The following PRKCE variants were observed in gnomAD, a reference collection of about 807,000 sequenced individuals.
The protein encoded by PRKCE is protein kinase C epsilon.
In PRKCE, 16 loss-of-function variants were observed where a neutral mutation model predicts 85.4. The ratio of observed to expected loss-of-function variants is 0.19; its 90% CI spans 0.13 to 0.28. The LOEUF (loss-of-function observed/expected upper bound fraction) is 0.28. Ranked by LOEUF, PRKCE falls within the 10% of genes least tolerant of loss-of-function variation. The pLI, the probability that PRKCE is intolerant of heterozygous loss-of-function variation, is 1.00. For missense variants in PRKCE, 573 were observed against 975.2 expected, an observed-to-expected ratio of 0.59 and a Z score of 5.49; for synonymous variants, 388 against 371.5, an observed-to-expected ratio of 1.04 and a Z score of -0.51.
At chr2:45,968,759 T>C (rs1265433737) in intron 2 of PRKCE, among the ~76,000 whole-genome samples, 1 of 152,138 alleles carries the variant, frequency 6.6e-6, no homozygotes, top group Non-Finnish European at 1.5e-5. Context: ...CAGCTTGCTT[T>C]TTGTGTGGGA....
intron 2 of PRKCE, among the ~76,000 whole-genome samples, chr2:45,873,807 G>A (rs1694273597): frequency 6.6e-6 from 1 of 152,202 alleles, no homozygotes; most frequent in Non-Finnish European, 1.5e-5. Context: ...CTTAAAGTGT[G>A]AGCCCAGCAG....
At chr2:45,960,249 A>G (rs1701284342) in intron 2 of PRKCE, among the ~76,000 whole-genome samples, 1 of 152,190 alleles carries the variant, frequency 6.6e-6, no homozygotes, top group Non-Finnish European at 1.5e-5. Context: ...CTTAATAACT[A>G]TGTACACCTA....
intron 11 of PRKCE, among the ~76,000 whole-genome samples, chr2:46,107,884 T>C (rs1049969519): frequency 6.6e-6 from 1 of 152,218 alleles, no homozygotes; most frequent in African/African-American, 2.4e-5. Context: ...ACAGATCTTT[T>C]GCCCATTTTT....
At chr2:45,827,164 T>C (rs576207499) in intron 1 of PRKCE, among the ~76,000 whole-genome samples, 1 of 152,330 alleles carries the variant, frequency 6.6e-6, no homozygotes, top group East Asian at 1.9e-4. Flanking sequence ...CTTCAACTAC[T>C]GGCAAAGACC....
intron 2 of PRKCE, among the ~76,000 whole-genome samples, chr2:45,878,928 A>T (rs1397623365): frequency 6.6e-6 from 1 of 152,200 alleles, no homozygotes; most frequent in Non-Finnish European, 1.5e-5. Flanking sequence ...TATTGTAGAC[A>T]TCTTTTTAAA....
In PRKCE at chr2:46,155,125, G is replaced by A. The variant is rs1677072590; in HGVS notation, c.1920+3896G>A. On this transcript the variant is annotated intron_variant, in intron 13 of 14. Coordinates refer to ENST00000306156, the MANE Select transcript of PRKCE (RefSeq NM_005400.3). This position sits in a 1 kb window ranked among gnomAD's most constrained non-coding sequence, Gnocchi z 4.7. ...GGCAGGGTAAACGGAGACCCCTCATGATCCCCCAGCAGCAACGAGGACTTC... is the reference window on the plus strand; with the variant it reads ...GGCAGGGTAAACGGAGACCCCTCATAATCCCCCAGCAGCAACGAGGACTTC... 6.6e-6 allele frequency among the ~76,000 whole-genome samples: 1 copy of A among 152,218 alleles called. No homozygotes were observed. The highest frequency in any genetic ancestry group is 1.5e-5 in the Non-Finnish European group (1 of 68,032).
rs1704986558 is a variant in PRKCE, at chr2:46,004,388, C to G, written c.967-154C>G. ...GAGGGATCGAACTTCATTTTGGCTA[C>G]TTTGGCGATGGCTGCAAGAGGACAG... On this transcript the variant is annotated intron_variant, in intron 7 of 14. Coordinates refer to ENST00000306156, the MANE Select transcript of PRKCE (RefSeq NM_005400.3). The surrounding 1 kb of genome is among the most constrained non-coding windows in gnomAD (Gnocchi z 4.1). The G allele has an allele frequency of 1.5e-6, 1 of 656,362 alleles. No individual in the cohort carries two copies. The highest frequency in any genetic ancestry group is 2.6e-6 in the Non-Finnish European group (1 of 382,506). The allele number at this position is 656,362 out of a possible 1,614,324, so 40.7% of individuals were successfully genotyped here.
At chr2:46,144,831 T>G (rs188768352) in intron 11 of PRKCE, among the ~76,000 whole-genome samples, 1 of 152,262 alleles carries the variant, frequency 6.6e-6, no homozygotes, top group Admixed American at 6.5e-5. Flanking sequence ...CCTACTGACT[T>G]AGCTCTATTA....
chr2:45,700,483 G>A (rs575819718), intron 1 of PRKCE: 1 of 152,212 alleles, frequency 6.6e-6, no homozygotes, highest in East Asian at 1.9e-4. Context: ...TGAAGCAGAA[G>A]GAACAGTAGA....
intron 2 of PRKCE, among the ~76,000 whole-genome samples, chr2:45,919,825 C>T (rs1217866347): frequency 2.6e-5 from 4 of 152,222 alleles, no homozygotes. Context: ...AGGAAATAAA[C>T]ATCAGAACCT....
intron 1 of PRKCE, among the ~76,000 whole-genome samples, chr2:45,702,525 C>T (rs747662525): frequency 6.6e-5 from 10 of 152,140 alleles, no homozygotes; most frequent in Non-Finnish European, 1.5e-4. Context: ...TTATCCTGAG[C>T]GGTGGACTTT....
Position 46,025,183 on chromosome 2 carries a change from C to T in PRKCE, c.1437+14666C>T, listed in dbSNP as rs373092228. ...GAGAACTCCCGGGGTTGGCAAGATC[C>T]ATTTGGATTGCCAGACGTGGTGACT... On this transcript the variant is annotated intron_variant, in intron 10 of 14. Transcript: ENST00000306156. Among the ~76,000 whole-genome samples the T allele has an allele frequency of 1.1e-4, 17 of 152,276 alleles. No individual in the cohort carries two copies. The East Asian group carries it at 3.3e-3, about 29-fold the overall frequency.
intron 6 of PRKCE, among the ~76,000 whole-genome samples, chr2:45,986,361 G>T (rs1049916927): frequency 6.6e-6 from 1 of 152,198 alleles, no homozygotes; most frequent in Non-Finnish European, 1.5e-5. Context: ...CAGTGGCAAA[G>T]GAGAGATGGA....
At chr2:45,755,282 G>T (rs1050134031) in intron 1 of PRKCE, among the ~76,000 whole-genome samples, 1 of 152,172 alleles carries the variant, frequency 6.6e-6, no homozygotes, top group Admixed American at 6.5e-5. Context: ...GGACTATTTT[G>T]CTATTTGGTA....
Position 46,184,515 on chromosome 2 carries a change from T to A in PRKCE, c.2068-220T>A, listed in dbSNP as rs1415992320. Among the ~76,000 whole-genome samples, 2 of 152,042 alleles carry A rather than the reference T, an allele frequency of 1.3e-5. No homozygotes were observed. Among genetic ancestry groups the A allele is most frequent in the African/African-American group, 4.8e-5 (2 of 41,400 alleles). ...TTCCATCATACCCTCTCACCCCTTC[T>A]TCCTTCTCACCTTGACTCATTCTTC... On this transcript the variant is annotated intron_variant, in intron 14 of 14. Transcript: ENST00000306156. The surrounding 1 kb of genome is among the most constrained non-coding windows in gnomAD (Gnocchi z 5.0).
At chr2:45,952,627 A>G (rs1050769559) in intron 2 of PRKCE, among the ~76,000 whole-genome samples, 1 of 152,216 alleles carries the variant, frequency 6.6e-6, no homozygotes, top group Admixed American at 6.5e-5. Flanking sequence ...AATTATTAGC[A>G]TTTCCAAAAA....
At chr2:45,815,786 GT>G (rs1474698192) in intron 1 of PRKCE, among the ~76,000 whole-genome samples, 1 of 152,180 alleles carries the variant, frequency 6.6e-6, no homozygotes, top group Non-Finnish European at 1.5e-5. Context: ...ACTACTTCTA[GT>G]AACTCCTCCT....
At chr2:46,128,454 G>A (rs1674088105) in intron 11 of PRKCE, among the ~76,000 whole-genome samples, 2 of 152,214 alleles carry the variant, frequency 1.3e-5, no homozygotes, top group African/African-American at 2.4e-5. Flanking sequence ...AATGAGTACT[G>A]TTATCCCCAT....
chr2:45,792,056 G>A (rs1687075669), intron 1 of PRKCE, among the ~76,000 whole-genome samples: 1 of 152,350 alleles, frequency 6.6e-6, no homozygotes, highest in East Asian at 1.9e-4. Flanking sequence ...AAGGAAAAGA[G>A]CCTTGCTTAG....
Sources: allele counts gnomAD v4.1 joint callset (sites outside exome capture counted in the v4.1 genomes callset), GRCh38; gene constraint gnomAD v4.1.1; non-coding constraint Gnocchi (gnomAD v3.1); transcripts MANE v1.5; gene names NCBI Gene and HGNC (gene_info 2026-07-23, HGNC 2026-07-21).